GAB2: variants seen among roughly 807,000 people sequenced by gnomAD.
GAB2 encodes the protein GRB2 associated binding protein 2.
GAB2 carries 26 observed loss-of-function variants against 65.5 expected under a neutral mutation model. The ratio of observed to expected loss-of-function variants is 0.40; its 90% CI spans 0.29 to 0.55. GAB2 has a LOEUF of 0.55. Among genes scored for constraint, GAB2 ranks in the 20% least tolerant of loss-of-function variants. The pLI is 0.53. For missense variants in GAB2, 884 were observed against 875.8 expected (o/e 1.01, Z -0.12); for synonymous variants, 321 against 329.6 (o/e 0.97, Z 0.28).
intron 1 of GAB2, among the ~76,000 whole-genome samples, chr11:78,343,290 C>T (rs12277648): frequency 0.26 from 38,841 of 151,214 alleles, 5,654 homozygotes; most frequent in East Asian, 0.41. Flanking sequence ...TCTGCTTCCC[C>T]GTTGATAGAC....
At position 78,347,088 on chromosome 11, in the gene GAB2, C is replaced by T. The variant is rs147050852; in HGVS notation, c.76-66187G>A. On this transcript the variant is annotated intron_variant, in intron 1 of 9. Transcript: ENST00000361507. ...AGGATTAACTGTCCATGTGGCCAAA[C>T]GTTTAATTTAATCTTTCTGATGGAC... Among the ~76,000 whole-genome samples, 10 of 152,074 alleles carry T rather than the reference C, an allele frequency of 6.6e-5. No homozygotes were observed. The East Asian group carries it at 1.4e-3, about 21-fold the overall frequency.
chr11:78,391,411 TC>T (rs1856832412), intron 1 of GAB2, among the ~76,000 whole-genome samples: 1 of 152,220 alleles, frequency 6.6e-6, no homozygotes, highest in African/African-American at 2.4e-5. Context: ...GACTTGTGAC[TC>T]CTTCAATCAA....
intron 1 of GAB2, among the ~76,000 whole-genome samples, chr11:78,298,991 A>G (rs1866915738): frequency 6.6e-6 from 1 of 152,204 alleles, no homozygotes; most frequent in Non-Finnish European, 1.5e-5. Context: ...TCACTAAGAC[A>G]TCTGTTCACA....
rs1864200751 is a variant in GAB2 at position 78,217,379 on chromosome 11, G to C, written c.*1893C>G. ...CTTGAGTTGATCTAAACTAATGCTA[G>C]GAGGAGAGGTGCAGCTCTTGAAGAA... On this transcript the variant is annotated 3_prime_UTR_variant, in exon 10 of 10. Transcript: ENST00000361507. The C allele has an allele frequency of 6.6e-6, 1 of 152,252 alleles. No individual in the cohort carries two copies. Among genetic ancestry groups the C allele is most frequent in the Non-Finnish European group, 1.5e-5 (1 of 68,068 alleles). The allele number at this position is 152,252 out of a possible 1,614,324, so 9.4% of individuals were successfully genotyped here.
At chr11:78,234,478 T>C (rs1400251686) in intron 3 of GAB2, among the ~76,000 whole-genome samples, 1 of 151,912 alleles carries the variant, frequency 6.6e-6, no homozygotes, top group Non-Finnish European at 1.5e-5. Context: ...GTTCTTTTTT[T>C]ATTATTCCTA....
intron 8 of GAB2, among the ~76,000 whole-genome samples, chr11:78,221,201 A>G (rs1377094237): frequency 1.3e-5 from 2 of 152,184 alleles, no homozygotes; most frequent in Non-Finnish European, 1.5e-5. Flanking sequence ...TTCTTTCACT[A>G]TCTATGCAGT....
At chr11:78,402,353 G>A (rs1195820114) in intron 1 of GAB2, among the ~76,000 whole-genome samples, 1 of 151,900 alleles carries the variant, frequency 6.6e-6, no homozygotes, top group Non-Finnish European at 1.5e-5. Context: ...CCAGAACTTG[G>A]GCACTTGGCA....
chr11:78,263,970 C>A (rs1176989705), intron 2 of GAB2, among the ~76,000 whole-genome samples: 4 of 149,720 alleles, frequency 2.7e-5, no homozygotes, highest in Non-Finnish European at 5.9e-5. Context: ...GTATATTTTT[C>A]TACTGTAAGG....
intron 1 of GAB2, among the ~76,000 whole-genome samples, chr11:78,350,336 C>T (rs777754207): frequency 3.9e-5 from 6 of 152,164 alleles, no homozygotes; most frequent in Admixed American, 2.0e-4. Flanking sequence ...TCTAATCATC[C>T]GTGAGACTCT....
intron 3 of GAB2, among the ~76,000 whole-genome samples, chr11:78,229,533 A>G (rs1239947113): frequency 6.6e-6 from 1 of 152,120 alleles, no homozygotes; most frequent in Non-Finnish European, 1.5e-5. Context: ...TTATTTTGGG[A>G]ATGGCAACAG....
At chr11:78,233,813 C>G (rs1387182536) in intron 3 of GAB2, among the ~76,000 whole-genome samples, 1 of 152,170 alleles carries the variant, frequency 6.6e-6, no homozygotes, top group South Asian at 2.1e-4. Flanking sequence ...GGGGCTTCAC[C>G]ATATTGGCCA....
intron 1 of GAB2, among the ~76,000 whole-genome samples, chr11:78,334,868 T>C (rs1029180428): frequency 6.6e-6 from 1 of 152,240 alleles, no homozygotes; most frequent in Non-Finnish European, 1.5e-5. Context: ...CCACCAATAG[T>C]GTAAGATGGT....
At chr11:78,314,544 G>C (rs1017694948) in intron 1 of GAB2, among the ~76,000 whole-genome samples, 2 of 152,186 alleles carry the variant, frequency 1.3e-5, no homozygotes, top group Admixed American at 1.3e-4. Context: ...CTGTGCTTTA[G>C]TATCTTAATA....
intron 1 of GAB2, among the ~76,000 whole-genome samples, chr11:78,393,832 T>C (rs1321525213): frequency 2.0e-5 from 3 of 152,204 alleles, no homozygotes; most frequent in Non-Finnish European, 4.4e-5. Context: ...ACCACAGAAA[T>C]CCATAAGGTA....
At position 78,395,337 on chromosome 11, in the gene GAB2, A is replaced by G. The variant is rs1195323587; in HGVS notation, c.75+22309T>C. Among the ~76,000 whole-genome samples the G allele has an allele frequency of 2.0e-5, 3 of 152,200 alleles. No individual in the cohort carries two copies. The East Asian group carries it at 5.8e-4, about 29-fold the overall frequency. The stretch of plus-strand genomic sequence containing the variant: ...TGTGTGGTGGCACATGCCTGTAATC[A>G]CAGCTACAAAGAAGGCTGAGGCAGG... On this transcript the variant is annotated intron_variant, in intron 1 of 9. Transcript: ENST00000361507.
At chr11:78,399,215 C>A (rs1856939775) in intron 1 of GAB2, among the ~76,000 whole-genome samples, 2 of 152,158 alleles carry the variant, frequency 1.3e-5, no homozygotes, top group Non-Finnish European at 2.9e-5. Flanking sequence ...CAAGCCTGCA[C>A]CAAGCTGCTT....
intron 2 of GAB2, among the ~76,000 whole-genome samples, chr11:78,267,284 G>A (rs1432785987): frequency 6.6e-6 from 1 of 152,168 alleles, no homozygotes; most frequent in African/African-American, 2.4e-5. Flanking sequence ...CAGGGGGCCT[G>A]GACTTAATGG....
At chr11:78,280,339 A>C in intron 2 of GAB2, 1 of 494,090 alleles carries the variant, frequency 2.0e-6, no homozygotes, top group Non-Finnish European at 3.6e-6. Context: ...GAGGAACGGC[A>C]GTGGTGTTGA....
chr11:78,368,908 C>T (rs1188143895), intron 1 of GAB2, among the ~76,000 whole-genome samples: 6 of 151,800 alleles, frequency 4.0e-5, no homozygotes, highest in African/African-American at 7.3e-5. Context: ...GAGACCCCAT[C>T]GCTACAAACA....
Sources: allele counts gnomAD v4.1 joint callset (sites outside exome capture counted in the v4.1 genomes callset), GRCh38; gene constraint gnomAD v4.1.1; transcripts MANE v1.5; gene names NCBI Gene and HGNC (gene_info 2026-07-23, HGNC 2026-07-21).